The following PCDH7 variants were observed in gnomAD, a reference collection of about 807,000 sequenced individuals.
PCDH7 encodes the protein protocadherin 7, also known as protocadherin-7.
A neutral mutation model predicts 58.9 loss-of-function variants in PCDH7; 17 were observed. That is an observed-to-expected ratio of 0.29 (90% confidence interval 0.20 to 0.43). PCDH7 has a LOEUF of 0.43. PCDH7 is among the 20% of genes least tolerant of loss of function. The pLI is 1.00. For synonymous variants in PCDH7, 664 were observed against 616.4 expected (o/e 1.08, Z -1.14); for missense variants, 1,274 against 1,441.0 (o/e 0.88, Z 1.88).
chr4:31,055,821 C>A (rs1757120004), intron 3 of PCDH7, among the ~76,000 whole-genome samples: 1 of 152,052 alleles, frequency 6.6e-6, no homozygotes, highest in Admixed American at 6.5e-5. Context: ...AAATGATCCA[C>A]CCACCTCGGC....
At chr4:31,073,153 G>T (rs1758694178) in intron 3 of PCDH7, among the ~76,000 whole-genome samples, 1 of 152,110 alleles carries the variant, frequency 6.6e-6, no homozygotes, top group African/African-American at 2.4e-5. Context: ...GGTATAAAAG[G>T]GCATAGTTTT....
rs1465495244 is a variant in PCDH7 at position 30,724,357 on chromosome 4, C to A, written c.2935C>A (p.Arg979=). Residue 979 remains arginine, a synonymous_variant, in exon 1 of 2, where the codon CGA becomes AGA. Coordinates refer to ENST00000361762, the Ensembl canonical transcript of PCDH7. The stretch of plus-strand genomic sequence containing the variant: ...GCTGTCAGACAGCCCAAGCATGGGG[C>A]GATACAGGTCCGTTAATGGTGGGCC... The A allele has an allele frequency of 4.3e-6, 7 of 1,613,958 alleles. No homozygotes were observed. The Admixed American group carries it at 5.0e-5, about 12-fold the overall frequency.
chr4:31,041,787 G>C (rs1198150473), intron 3 of PCDH7, among the ~76,000 whole-genome samples: 1 of 151,092 alleles, frequency 6.6e-6, no homozygotes, highest in African/African-American at 2.4e-5. Context: ...GCCACCAACT[G>C]GCTTGGGCTA....
chr4:30,943,384 A>T (rs1164032584), intron 2 of PCDH7, among the ~76,000 whole-genome samples: 1 of 152,148 alleles, frequency 6.6e-6, no homozygotes, highest in Non-Finnish European at 1.5e-5. Flanking sequence ...CATTTTTATT[A>T]TGTAGGTTTT....
At chr4:30,905,367 A>G (rs1298505409) in intron 1 of PCDH7, among the ~76,000 whole-genome samples, 1 of 152,068 alleles carries the variant, frequency 6.6e-6, no homozygotes, top group East Asian at 1.9e-4. Flanking sequence ...GACCTCATTC[A>G]GCTGCGTCTG....
chr4:30,876,672 CA>C (rs1278463751), intron 1 of PCDH7, among the ~76,000 whole-genome samples: 4 of 151,902 alleles, frequency 2.6e-5, no homozygotes, highest in Non-Finnish European at 5.9e-5. Flanking sequence ...GGAAGTGAAG[CA>C]AAGGTACATA....
At chr4:30,814,517 T>A (rs1727427730) in intron 1 of PCDH7, among the ~76,000 whole-genome samples, 1 of 152,140 alleles carries the variant, frequency 6.6e-6, no homozygotes, top group South Asian at 2.1e-4. Context: ...ACGTTGTTGT[T>A]GGTAATATAT....
intron 3 of PCDH7, among the ~76,000 whole-genome samples, chr4:30,977,584 G>A (rs1243828517): frequency 2.0e-5 from 3 of 152,040 alleles, no homozygotes; most frequent in African/African-American, 4.8e-5. Flanking sequence ...AGCCAAATTT[G>A]GAATATGGTG....
chr4:31,068,029 A>C (rs958606428), intron 3 of PCDH7, among the ~76,000 whole-genome samples: 1 of 152,028 alleles, frequency 6.6e-6, no homozygotes, highest in Non-Finnish European at 1.5e-5. Context: ...ATGAGCTTAT[A>C]GTTTAATGCA....
chr4:31,109,280 G>T (rs550171772), intron 3 of PCDH7, among the ~76,000 whole-genome samples: 1 of 152,304 alleles, frequency 6.6e-6, no homozygotes, highest in East Asian at 1.9e-4. Context: ...GGAGAATTAT[G>T]ACCATTTTAG....
At chr4:30,877,990 A>G (rs532332280) in intron 1 of PCDH7, among the ~76,000 whole-genome samples, 3 of 152,292 alleles carry the variant, frequency 2.0e-5, no homozygotes, top group African/African-American at 7.2e-5. Context: ...AGAAGAGTTT[A>G]TTTATAGATA....
intron 1 of PCDH7, among the ~76,000 whole-genome samples, chr4:30,904,199 T>C (rs1740603532): frequency 6.6e-6 from 1 of 152,206 alleles, no homozygotes; most frequent in African/African-American, 2.4e-5. Context: ...CAGGAGCATA[T>C]GGCTTAAAAC....
intron 1 of PCDH7, among the ~76,000 whole-genome samples, chr4:30,865,959 T>C (rs1734831619): frequency 6.6e-6 from 1 of 152,100 alleles, no homozygotes. Flanking sequence ...CATACTTCCG[T>C]GGAGTGGAAA....
At chr4:31,039,433 T>G (rs892364090) in intron 3 of PCDH7, among the ~76,000 whole-genome samples, 1 of 152,204 alleles carries the variant, frequency 6.6e-6, no homozygotes, top group African/African-American at 2.4e-5. Flanking sequence ...TTGCCCAGGC[T>G]GGAGTGCAGT....
At chr4:30,807,175 A>C (rs1054525284) in intron 1 of PCDH7, among the ~76,000 whole-genome samples, 1 of 152,216 alleles carries the variant, frequency 6.6e-6, no homozygotes, top group African/African-American at 2.4e-5. Context: ...AGAATTACCA[A>C]AATAACCTGA....
chr4:31,066,727 C>A (rs7686025), intron 3 of PCDH7, among the ~76,000 whole-genome samples: 2 of 151,592 alleles, frequency 1.3e-5, no homozygotes, highest in Non-Finnish European at 2.9e-5. Flanking sequence ...CTTAACATCC[C>A]AAATATGCTT....
chr4:30,762,259 AT>A (rs1028342463), intron 1 of PCDH7, among the ~76,000 whole-genome samples: 1 of 152,082 alleles, frequency 6.6e-6, no homozygotes, highest in African/African-American at 2.4e-5. Context: ...TAAAATTCGC[AT>A]TTTTTCCCCT....
chr4:30,984,106 A>C (rs1750779996), intron 3 of PCDH7, among the ~76,000 whole-genome samples: 1 of 152,222 alleles, frequency 6.6e-6, no homozygotes, highest in South Asian at 2.1e-4. Context: ...CACATTCCAA[A>C]TTCAAACATA....
chr4:30,847,112 G>C (rs1297739332), intron 1 of PCDH7, among the ~76,000 whole-genome samples: 2 of 151,772 alleles, frequency 1.3e-5, no homozygotes, highest in Admixed American at 1.3e-4. Flanking sequence ...AACAGAGTGA[G>C]ATCTTGTCAA....
Sources: allele counts gnomAD v4.1 joint callset (sites outside exome capture counted in the v4.1 genomes callset), GRCh38; gene constraint gnomAD v4.1.1; transcripts MANE v1.5; gene names NCBI Gene and HGNC (gene_info 2026-07-23, HGNC 2026-07-21).